Variants in WASF3 observed in about 807,000 individuals in gnomAD.
WASF3 encodes actin-binding protein WASF3.
Under a neutral mutation model 46.6 loss-of-function variants are expected in WASF3, and 11 were observed. That is an observed-to-expected ratio of 0.24 (90% CI 0.15 to 0.39). WASF3 has a LOEUF of 0.39. Ranked by LOEUF, WASF3 falls within the 10% of genes least tolerant of loss-of-function variation. The pLI is 1.00. For synonymous variants in WASF3, 242 were observed against 259.7 expected (o/e 0.93, Z 0.65); for missense variants, 576 against 669.8 (o/e 0.86, Z 1.55).
At chr13:26,633,912 A>C (rs537808024) in intron 2 of WASF3, among the ~76,000 whole-genome samples, 7 of 152,266 alleles carry the variant, frequency 4.6e-5, no homozygotes, top group Admixed American at 3.9e-4. Flanking sequence ...ACTTCCAATT[A>C]TGTGGTCACT....
rs548311655 is a variant in WASF3, at chr13:26,646,268, G to C, written c.133+3865G>C. Reference sequence around the variant, plus strand: ...AAATATATATGAGCTAAAGTTGTTAGGAAGAATAAGAGAATGTAAAGGAAT... The same window carrying C: ...AAATATATATGAGCTAAAGTTGTTACGAAGAATAAGAGAATGTAAAGGAAT... On this transcript the variant is annotated intron_variant, in intron 3 of 9. Coordinates refer to ENST00000335327, the MANE Select transcript of WASF3 (RefSeq NM_006646.6). 3.3e-5 allele frequency among the ~76,000 whole-genome samples: 5 copies of C among 152,202 alleles called. No homozygotes were observed. The South Asian group carries it at 1.0e-3, about 32-fold the overall frequency.
intron 2 of WASF3, among the ~76,000 whole-genome samples, chr13:26,635,284 T>C (rs1441628283): frequency 2.6e-5 from 4 of 152,226 alleles, no homozygotes; most frequent in Non-Finnish European, 5.9e-5. Context: ...GAATCAGCTA[T>C]TGAAGCTTGT....
At chr13:26,559,776 C>CTT (rs1879219010) in intron 1 of WASF3, among the ~76,000 whole-genome samples, 1 of 122,574 alleles carries the variant, frequency 8.2e-6, no homozygotes, top group African/African-American at 3.0e-5. Context: ...CCTTGAATCT[C>CTT]TTTTTCTTTT....
At chr13:26,580,622 CTTTCT>C (rs1212820570) in intron 1 of WASF3, among the ~76,000 whole-genome samples, 3 of 125,168 alleles carry the variant, frequency 2.4e-5, no homozygotes, top group African/African-American at 9.1e-5. Context: ...TTTCTTTTTT[CTTTCT>C]TTTTTTTTTT....
At chr13:26,601,402 C>CT (rs200245711) in intron 1 of WASF3, among the ~76,000 whole-genome samples, 1,366 of 6,408 alleles carry the variant, frequency 0.21, 11 homozygotes, top group Non-Finnish European at 0.49. Context: ...TATTCCTGTG[C>CT]TCAAGGTTCT....
chr13:26,634,171 C>T (rs1881743628), intron 2 of WASF3, among the ~76,000 whole-genome samples: 1 of 152,206 alleles, frequency 6.6e-6, no homozygotes, highest in Non-Finnish European at 1.5e-5. Flanking sequence ...CTGGGTGCAT[C>T]TGTATTGGGT....
chr13:26,671,836 CT>C (rs1882932871), intron 5 of WASF3, 35 bp from the exon 6 acceptor site: 1 of 1,439,990 alleles, frequency 6.9e-7, no homozygotes, highest in Non-Finnish European at 9.5e-7. Context: ...CTCTAACAAT[CT>C]TTTCTTCCCT....
intron 3 of WASF3, among the ~76,000 whole-genome samples, chr13:26,655,188 T>C (rs148445622): frequency 6.6e-6 from 1 of 152,220 alleles, no homozygotes; most frequent in Non-Finnish European, 1.5e-5. Context: ...TCTGAAATAG[T>C]TCCTCAGTCT....
At chr13:26,561,912 A>G (rs1464925082) in intron 1 of WASF3, among the ~76,000 whole-genome samples, 1 of 152,250 alleles carries the variant, frequency 6.6e-6, no homozygotes, top group Non-Finnish European at 1.5e-5. Context: ...ACAAGTGTAC[A>G]CATACTGTAT....
chr13:26,546,181 TA>T, the WASF3 span, among the ~76,000 whole-genome samples: 9 of 152,122 alleles, frequency 5.9e-5, no homozygotes, highest in African/African-American at 2.2e-4. Flanking sequence ...GGGTCAGATA[TA>T]GGGCCATAGG....
intron 3 of WASF3, among the ~76,000 whole-genome samples, chr13:26,658,130 T>C (rs555639714): frequency 3.4e-4 from 2 of 5,854 alleles, no homozygotes; most frequent in African/African-American, 3.7e-4. Context: ...CAAGAGGCTA[T>C]TGTGTATACA....
At chr13:26,609,250 TA>T in intron 1 of WASF3, among the ~76,000 whole-genome samples, 1 of 152,202 alleles carries the variant, frequency 6.6e-6, no homozygotes, top group Non-Finnish European at 1.5e-5. Context: ...GGGAAAATTT[TA>T]TTATCATTGA....
At chr13:26,610,209 C>T (rs145998519) in intron 1 of WASF3, among the ~76,000 whole-genome samples, 30 of 152,318 alleles carry the variant, frequency 2.0e-4, no homozygotes, top group African/African-American at 7.2e-4. Context: ...AAAGAATCCT[C>T]CCTTGTCTTA....
At chr13:26,648,807 T>C (rs1882227550) in intron 3 of WASF3, among the ~76,000 whole-genome samples, 1 of 152,128 alleles carries the variant, frequency 6.6e-6, no homozygotes, top group Non-Finnish European at 1.5e-5. Flanking sequence ...AGATAGAAGT[T>C]CTGTCAGCAG....
intron 1 of WASF3, chr13:26,577,125 A>G: frequency 2.6e-6 from 2 of 782,540 alleles, no homozygotes; most frequent in Non-Finnish European, 2.3e-6. Context: ...ATGAGATTGC[A>G]TTTAGAAAAT....
At chr13:26,627,408 T>C (rs1216073319) in intron 2 of WASF3, among the ~76,000 whole-genome samples, 1 of 152,196 alleles carries the variant, frequency 6.6e-6, no homozygotes, top group Non-Finnish European at 1.5e-5. Flanking sequence ...TGTACATTTA[T>C]TGCTGTGCAT....
the WASF3 span, among the ~76,000 whole-genome samples, chr13:26,552,659 C>T: frequency 1.7e-3 from 203 of 119,632 alleles, no homozygotes; most frequent in African/African-American, 4.9e-3. Flanking sequence ...TCAAAAATGA[C>T]AGTTATTATG....
intron 1 of WASF3, among the ~76,000 whole-genome samples, chr13:26,578,795 C>T (rs1045044258): frequency 2.0e-5 from 3 of 151,962 alleles, no homozygotes; most frequent in Non-Finnish European, 4.4e-5. Context: ...ATTGTGTCTC[C>T]ATTGAGACAC....
chr13:26,620,881 A>G (rs1379630467), intron 2 of WASF3, among the ~76,000 whole-genome samples: 4 of 152,182 alleles, frequency 2.6e-5, no homozygotes, highest in Non-Finnish European at 5.9e-5. Context: ...TAGGTACTTG[A>G]CAAGGTTTTT....
Sources: allele counts gnomAD v4.1 joint callset (sites outside exome capture counted in the v4.1 genomes callset), GRCh38; gene constraint gnomAD v4.1.1; transcripts MANE v1.5; gene names NCBI Gene and HGNC (gene_info 2026-07-23, HGNC 2026-07-21).